Variants in LPP observed in about 807,000 individuals in gnomAD.
LPP encodes the protein lipoma-preferred partner.
LPP carries 38 observed loss-of-function variants against 60.4 expected under a neutral mutation model. The observed-to-expected ratio is 0.63, with a 90% CI of 0.49 to 0.83. LPP has a LOEUF of 0.83. Ranked by LOEUF, LPP falls within the 40% of genes least tolerant of loss-of-function variation. LPP has a pLI of 0.00. For missense variants in LPP, 902 were observed against 783.6 expected (o/e 1.15, Z -1.80); for synonymous variants, 328 against 290.8 (o/e 1.13, Z -1.30).
intron 4 of LPP, among the ~76,000 whole-genome samples, chr3:188,408,321 G>A (rs1044714511): frequency 7.9e-5 from 12 of 151,876 alleles, no homozygotes; most frequent in Non-Finnish European, 8.8e-5. Flanking sequence ...GCTCATAAAT[G>A]GCATATATGA....
At chr3:188,502,947 A>G (rs1417608153) in intron 5 of LPP, among the ~76,000 whole-genome samples, 2 of 152,116 alleles carry the variant, frequency 1.3e-5, no homozygotes, top group East Asian at 3.8e-4. Flanking sequence ...TCACTTTTAC[A>G]CCATCATATG....
At chr3:188,338,114 G>C (rs1762144983) in intron 2 of LPP, among the ~76,000 whole-genome samples, 1 of 152,210 alleles carries the variant, frequency 6.6e-6, no homozygotes, top group Non-Finnish European at 1.5e-5. Flanking sequence ...CAATCAACCA[G>C]ATGTCAGAAG....
At chr3:188,749,999 G>A (rs894028754) in intron 8 of LPP, among the ~76,000 whole-genome samples, 13 of 152,150 alleles carry the variant, frequency 8.5e-5, no homozygotes, top group South Asian at 6.2e-4. Context: ...ATTTTATCAC[G>A]GTTCTAGAGG....
intron 1 of LPP, among the ~76,000 whole-genome samples, chr3:188,222,420 G>A (rs568494384): frequency 6.6e-6 from 1 of 152,108 alleles, no homozygotes; most frequent in Non-Finnish European, 1.5e-5. Flanking sequence ...TGTGCCATAC[G>A]TGCTAGATAT....
In LPP at chr3:188,433,580, AAG is replaced by A. The variant is rs544817280; in HGVS notation, c.193+27277_193+27278del. On this transcript the variant is annotated intron_variant, in intron 4 of 11. Transcript: ENST00000617246. ...AGAGCTCAGGGATGAGAGAGAGAGA[AAG>A]AGAGAGAGACAGAAAGTGAGAGAGA... Among the ~76,000 whole-genome samples, 30 of 125,218 alleles carry A rather than the reference AAG, an allele frequency of 2.4e-4. No homozygotes were observed. The East Asian group carries it at 7.4e-3, about 31-fold the overall frequency. The allele number at this position is 125,218 out of a possible 152,430, so 82.1% of individuals were successfully genotyped here.
chr3:188,303,975 C>T (rs1750737512), intron 2 of LPP, among the ~76,000 whole-genome samples: 4 of 152,134 alleles, frequency 2.6e-5, no homozygotes, highest in Admixed American at 2.6e-4. Context: ...ACCTTCTGTG[C>T]CATAGAATGG....
intron 5 of LPP, among the ~76,000 whole-genome samples, chr3:188,490,935 T>G (rs1808179897): frequency 1.3e-5 from 2 of 151,668 alleles, no homozygotes; most frequent in Admixed American, 1.3e-4. Context: ...TTTTAGTTTT[T>G]TATTTTTAGT....
At chr3:188,369,238 C>T (rs887964327) in intron 3 of LPP, among the ~76,000 whole-genome samples, 1 of 151,930 alleles carries the variant, frequency 6.6e-6, no homozygotes, top group Non-Finnish European at 1.5e-5. Flanking sequence ...GTTCTTATGC[C>T]TCTGAGTTTC....
At chr3:188,178,234 C>T (rs1723663414) in intron 1 of LPP, among the ~76,000 whole-genome samples, 1 of 152,176 alleles carries the variant, frequency 6.6e-6, no homozygotes. Flanking sequence ...ATTCTGGCCC[C>T]AGTGGAGGGC....
At chr3:188,185,297 T>TA (rs1156619864) in intron 1 of LPP, among the ~76,000 whole-genome samples, 1 of 152,162 alleles carries the variant, frequency 6.6e-6, no homozygotes, top group East Asian at 1.9e-4. Flanking sequence ...TCTTACCCTG[T>TA]AGGGCACAGG....
chr3:188,771,532 A>C (rs1181691071), intron 9 of LPP, among the ~76,000 whole-genome samples: 1 of 134,616 alleles, frequency 7.4e-6, no homozygotes, highest in African/African-American at 2.8e-5. Context: ...CCTGGGCGAC[A>C]GAGTGAGACT....
At chr3:188,520,279 A>G (rs1579583855) in intron 5 of LPP, among the ~76,000 whole-genome samples, 1 of 152,122 alleles carries the variant, frequency 6.6e-6, no homozygotes, top group African/African-American at 2.4e-5. Context: ...TTGGTGCCCC[A>G]CCTCGCATCT....
chr3:188,871,515 T>C (rs1177830890), intron 10 of LPP, among the ~76,000 whole-genome samples: 4 of 152,196 alleles, frequency 2.6e-5, no homozygotes, highest in African/African-American at 9.7e-5. Context: ...TAGAATATAA[T>C]GTATGTAGAA....
At chr3:188,626,453 G>A (rs902405166) in intron 7 of LPP, among the ~76,000 whole-genome samples, 1 of 152,108 alleles carries the variant, frequency 6.6e-6, no homozygotes, top group Admixed American at 6.6e-5. Context: ...CTGATCCCCT[G>A]CAGATATGAA....
chr3:188,700,378 A>T lies in LPP; in HGVS notation c.1114-7889A>T, dbSNP rs140195411. Among the ~76,000 whole-genome samples the T allele has an allele frequency of 7.5e-3, 1,144 of 152,286 alleles. 13 individuals are homozygous for T. Among genetic ancestry groups the T allele is most frequent in the African/African-American group, 0.026 (1,086 of 41,562 alleles). The stretch of plus-strand genomic sequence containing the variant: ...AGGAACTCAGGGGGCTGACATTGCG[A>T]CAGATAGTGGGTATCCATTTTGTAA... On this transcript the variant is annotated intron_variant, in intron 7 of 11. Coordinates refer to ENST00000617246, the MANE Select transcript of LPP (RefSeq NM_001375462.1).
At chr3:188,611,986 A>G (rs1463782488) in intron 7 of LPP, among the ~76,000 whole-genome samples, 2 of 152,252 alleles carry the variant, frequency 1.3e-5, no homozygotes, top group African/African-American at 4.8e-5. Flanking sequence ...ACCACTCATC[A>G]GAAAACATGG....
intron 2 of LPP, among the ~76,000 whole-genome samples, chr3:188,237,074 CTT>C (rs376333582): frequency 0.017 from 2,556 of 149,624 alleles, 64 homozygotes; most frequent in African/African-American, 0.057. Context: ...ATTTGATATA[CTT>C]TTTTTTTTGT....
At chr3:188,683,957 C>T (rs191407539) in intron 7 of LPP, among the ~76,000 whole-genome samples, 33 of 152,320 alleles carry the variant, frequency 2.2e-4, no homozygotes, top group African/African-American at 7.2e-4. Flanking sequence ...GACTTGAAGT[C>T]GGGAAACCGG....
chr3:188,315,148 G>GT (rs540817346), intron 2 of LPP, among the ~76,000 whole-genome samples: 135 of 151,916 alleles, frequency 8.9e-4, no homozygotes, highest in South Asian at 4.2e-4. Flanking sequence ...TTAAATTATA[G>GT]TTTTTTTAGG....
Sources: gnomAD v4.1 joint callset for allele counts (sites outside exome capture counted in the v4.1 genomes callset) on GRCh38, gnomAD v4.1.1 for gene constraint, MANE v1.5 for transcripts, NCBI Gene and HGNC (gene_info 2026-07-23, HGNC 2026-07-21) for gene names.